Variants in ZNF532 observed in about 807,000 individuals in gnomAD.
ZNF532 encodes zinc finger protein 532.
A neutral mutation model predicts 89.3 loss-of-function variants in ZNF532; 22 were observed. The observed-to-expected ratio is 0.25, with a 90% CI of 0.18 to 0.35. The LOEUF (loss-of-function observed/expected upper bound fraction) is 0.35, where lower values mean the gene tolerates loss of function less well. Ranked by LOEUF, ZNF532 falls within the 10% of genes least tolerant of loss-of-function variation. The probability of loss-of-function intolerance (pLI) is 1.00; values close to 1 mark genes in which losing one functional copy is unlikely to be tolerated. For synonymous variants in ZNF532, 606 were observed against 649.6 expected (o/e 0.93, Z 1.02); for missense variants, 1,132 against 1,643.4 (o/e 0.69, Z 5.38).
chr18:58,922,228 C>T (rs1417158115), intron 3 of ZNF532, among the ~76,000 whole-genome samples: 3 of 151,914 alleles, frequency 2.0e-5, no homozygotes, highest in Admixed American at 6.6e-5. Context: ...CTTTTTTTCT[C>T]CCTCCAATAT....
At chr18:58,910,958 A>G (rs976976429) in intron 2 of ZNF532, among the ~76,000 whole-genome samples, 2 of 151,730 alleles carry the variant, frequency 1.3e-5, no homozygotes, top group African/African-American at 4.8e-5. Context: ...AGCTCACTGT[A>G]GCCTCGACTT....
chr18:58,869,494 G>A (rs538619581), intron 2 of ZNF532, among the ~76,000 whole-genome samples: 2 of 152,152 alleles, frequency 1.3e-5, no homozygotes, highest in Non-Finnish European at 2.9e-5. Flanking sequence ...TTACATTCAG[G>A]TTCAATAAAA....
chr18:58,953,978 C>A, intron 7 of ZNF532, 179 bp downstream of exon 7: 1 of 985,362 alleles, frequency 1.0e-6, no homozygotes, highest in Non-Finnish European at 1.2e-6. Context: ...TCAAATCCTT[C>A]AGTCTTCAGT....
At chr18:58,960,391 T>C (rs1008532372) in intron 7 of ZNF532, among the ~76,000 whole-genome samples, 2 of 152,180 alleles carry the variant, frequency 1.3e-5, no homozygotes, top group Non-Finnish European at 2.9e-5. Context: ...ATTGCAAATA[T>C]ATGCATGTCA....
At chr18:58,957,632 A>G (rs1456938746) in intron 7 of ZNF532, among the ~76,000 whole-genome samples, 1 of 152,044 alleles carries the variant, frequency 6.6e-6, no homozygotes, top group African/African-American at 2.4e-5. Flanking sequence ...CTCATTTTAG[A>G]TGGCCATTTT....
At chr18:58,981,865 G>T (rs147728286) in intron 9 of ZNF532, among the ~76,000 whole-genome samples, 2 of 151,118 alleles carry the variant, frequency 1.3e-5, no homozygotes, top group Non-Finnish European at 2.9e-5. Context: ...TTAGCTTGGC[G>T]TGGTGGCGGG....
Position 58,918,653 on chromosome 18 carries a change from A to G in ZNF532, c.366A>G (p.Lys122=). ...TGCCTGCCTCTGAGGTGACACTGAA[A>G]GACTCGACATTCAGCCAGTTTAGCC... The part of the protein sequence containing the change: ...GDVPASEVTL[K]DSTFSQFSPI... Residue 122 remains lysine, a synonymous_variant, in exon 3 of 10, where the codon AAA becomes AAG. Coordinates refer to ENST00000591808, the MANE Select transcript of ZNF532 (RefSeq NM_001375912.1). 6.2e-7 allele frequency: 1 copy of G among 1,614,184 alleles called. No homozygotes were observed.
At chr18:58,881,133 G>T (rs1568228733) in intron 2 of ZNF532, among the ~76,000 whole-genome samples, 1 of 148,702 alleles carries the variant, frequency 6.7e-6, no homozygotes, top group Admixed American at 6.7e-5. Context: ...ACAGAGTCTC[G>T]CTCTGTCGCC....
intron 5 of ZNF532, among the ~76,000 whole-genome samples, 165 bp from the exon 6 acceptor site, chr18:58,947,902 C>G (rs1321428203): frequency 3.3e-5 from 5 of 152,110 alleles, no homozygotes; most frequent in African/African-American, 1.2e-4. Context: ...TTGAGTAATG[C>G]CAGTTGTCTT....
At chr18:58,970,726 C>T (rs1438759851) in intron 7 of ZNF532, among the ~76,000 whole-genome samples, 5 of 152,168 alleles carry the variant, frequency 3.3e-5, no homozygotes, top group Admixed American at 2.6e-4. Flanking sequence ...CCAAGAGTCC[C>T]CTGACAGAGA....
intron 2 of ZNF532, 36 bp from the exon 3 acceptor site, chr18:58,918,234 CA>C: frequency 6.4e-7 from 1 of 1,553,872 alleles, no homozygotes; most frequent in Non-Finnish European, 8.7e-7. Flanking sequence ...GAGGAAATAC[CA>C]ATTACTGATG....
chr18:58,976,186 T>G (rs748727420), intron 7 of ZNF532, among the ~76,000 whole-genome samples: 3 of 152,208 alleles, frequency 2.0e-5, no homozygotes, highest in Non-Finnish European at 4.4e-5. Context: ...ACCAGTGAAT[T>G]GGAAACCCTG....
rs2057814456 is a variant in ZNF532 at position 58,880,751 on chromosome 18, G to GGT, written c.-18+15173_-18+15174insTG. 5.0e-5 allele frequency among the ~76,000 whole-genome samples: 4 copies of GGT among 80,224 alleles called. No homozygotes were observed. The South Asian group carries it at 1.9e-3, about 38-fold the overall frequency. 52.6% of individuals were successfully genotyped at this position (80,224 alleles called of 152,430 possible). A position where few individuals can be genotyped will look rare whatever the true frequency, so the allele number is the denominator to read the frequency against. The stretch of plus-strand genomic sequence containing the variant: ...AGATGTATATTTGAGCCCTCTCATA[G>GGT]GCGCGCGCGCACGCGCGCGCGTCTG... On this transcript the variant is annotated intron_variant, in intron 2 of 9. Transcript: ENST00000591808.
At chr18:58,933,395 TAAA>T (rs781237028) in intron 3 of ZNF532, among the ~76,000 whole-genome samples, 1 of 152,086 alleles carries the variant, frequency 6.6e-6, no homozygotes, top group Non-Finnish European at 1.5e-5. Context: ...ACAAGAAGAA[TAAA>T]AAAAGTCTTT....
intron 5 of ZNF532, among the ~76,000 whole-genome samples, chr18:58,942,263 C>T (rs2063189342): frequency 6.7e-6 from 1 of 149,428 alleles, no homozygotes; most frequent in Admixed American, 6.7e-5. Flanking sequence ...ACCTCGTGAT[C>T]CGCCCACCTT....
Position 58,895,151 on chromosome 18 carries a change from A to G in ZNF532, c.-17-23120A>G, listed in dbSNP as rs979718590. The stretch of plus-strand genomic sequence containing the variant: ...AGTTTGACCTAAATCGGCTTGCCCA[A>G]CTTCAATTTTCTGCCAGGGTGCCAG... On this transcript the variant is annotated intron_variant, in intron 2 of 9. Transcript: ENST00000591808. Among the ~76,000 whole-genome samples, 9 of 152,286 alleles carry G rather than the reference A, an allele frequency of 5.9e-5. 1 individual carries two copies. The highest frequency in any genetic ancestry group is 2.2e-4 in the African/African-American group (9 of 41,560).
At chr18:58,952,901 T>C (rs372566783) in intron 6 of ZNF532, among the ~76,000 whole-genome samples, 1 of 152,196 alleles carries the variant, frequency 6.6e-6, no homozygotes, top group Non-Finnish European at 1.5e-5. Flanking sequence ...GAGTATCTAA[T>C]GTGTGTAGTT....
intron 7 of ZNF532, among the ~76,000 whole-genome samples, chr18:58,975,609 A>G (rs184644229): frequency 6.6e-6 from 1 of 152,226 alleles, no homozygotes; most frequent in Admixed American, 6.5e-5. Context: ...TAGCATAGTC[A>G]CTGGAGAAAA....
chr18:58,950,260 G>T (rs370640661), intron 6 of ZNF532, among the ~76,000 whole-genome samples: 4 of 152,154 alleles, frequency 2.6e-5, no homozygotes, highest in African/African-American at 7.2e-5. Context: ...GGAATACAAG[G>T]TTCCAAGAAA....
Sources: allele counts gnomAD v4.1 joint callset (sites outside exome capture counted in the v4.1 genomes callset), GRCh38; gene constraint gnomAD v4.1.1; transcripts MANE v1.5; gene names NCBI Gene and HGNC (gene_info 2026-07-23, HGNC 2026-07-21).